The following PCDHA1 variants were observed in gnomAD, a reference collection of about 807,000 sequenced individuals.
PCDHA1 encodes protocadherin alpha 1.
PCDHA1 carries 42 observed loss-of-function variants against 61.3 expected under a neutral mutation model. The observed-to-expected ratio is 0.69, with a 90% CI of 0.54 to 0.89. PCDHA1 has a LOEUF of 0.89. Ranked by LOEUF, PCDHA1 falls within the 40% of genes least tolerant of loss-of-function variation. PCDHA1 has a pLI of 0.00. For synonymous variants in PCDHA1, 610 were observed against 553.8 expected, an observed-to-expected ratio of 1.10 and a Z score of -1.43; for missense variants, 1,256 against 1,235.3, an observed-to-expected ratio of 1.02 and a Z score of -0.25.
intron 1 of PCDHA1, among the ~76,000 whole-genome samples, chr5:140,924,166 T>C (rs1409712075): frequency 6.6e-6 from 1 of 152,232 alleles, no homozygotes; most frequent in African/African-American, 2.4e-5. Flanking sequence ...TCCTAATCTC[T>C]GGCACTGAAG....
At chr5:140,803,354 T>A in intron 1 of PCDHA1, 1 of 1,614,184 alleles carries the variant, frequency 6.2e-7, no homozygotes, top group South Asian at 1.1e-5. Context: ...TGCTATATAC[T>A]GCTCTGCGGT....
rs200338376 is a variant in PCDHA1, at chr5:140,927,680, G to C, written c.2395-51269G>C. On this transcript the variant is annotated intron_variant, in intron 1 of 3. Transcript: ENST00000504120. ...GTTCAAGCCTTGGATCCAGATGAAGGGTCCAATGGGGAAGTCCAGTACTCC... is the reference window on the plus strand; with the variant it reads ...GTTCAAGCCTTGGATCCAGATGAAGCGTCCAATGGGGAAGTCCAGTACTCC... The C allele has an allele frequency of 2.2e-5, 36 of 1,614,022 alleles. No individual in the cohort carries two copies. The Admixed American group carries it at 4.5e-4, about 20-fold the overall frequency.
rs1466426021 is a variant in PCDHA1 at position 140,917,334 on chromosome 5, G to C, written c.2395-61615G>C. On this transcript the variant is annotated intron_variant, in intron 1 of 3. Transcript: ENST00000504120. ...TTGGTGTTCATGTGGCGGGGGAGGG[G>C]GGGGATGGTGTAGGCTTCTGTTCCA... Among the ~76,000 whole-genome samples the C allele has an allele frequency of 4.7e-5, 7 of 147,744 alleles. 2 individuals carry two copies. The highest frequency in any genetic ancestry group is 1.4e-4 in the Admixed American group (2 of 14,792).
intron 1 of PCDHA1, chr5:140,828,666 T>G: frequency 6.2e-7 from 1 of 1,614,162 alleles, no homozygotes; most frequent in Non-Finnish European, 8.5e-7. Context: ...AATAAACAAA[T>G]TGGGCTCTTA....
At chr5:140,839,253 T>C (rs1187384033) in intron 1 of PCDHA1, among the ~76,000 whole-genome samples, 1 of 152,096 alleles carries the variant, frequency 6.6e-6, no homozygotes, top group African/African-American at 2.4e-5. Flanking sequence ...CTTTTATGCT[T>C]ACATGCATGT....
At chr5:140,870,392 G>T in intron 1 of PCDHA1, 1 of 1,614,254 alleles carries the variant, frequency 6.2e-7, no homozygotes, top group Non-Finnish European at 8.5e-7. Context: ...CGGGATGGGG[G>T]TTCGCCTTCT....
At chr5:140,904,110 T>C (rs556511949) in intron 1 of PCDHA1, among the ~76,000 whole-genome samples, 2 of 152,218 alleles carry the variant, frequency 1.3e-5, no homozygotes, top group Non-Finnish European at 2.9e-5. Context: ...TGGTCATTGC[T>C]GAGATTTTGG....
intron 1 of PCDHA1, chr5:140,807,524 C>T: frequency 2.5e-6 from 4 of 1,614,084 alleles, no homozygotes; most frequent in Non-Finnish European, 3.4e-6. Flanking sequence ...CGTAGACAGG[C>T]CGCTGCAGGT....
intron 1 of PCDHA1, chr5:140,824,631 T>TTTTTTTTTTTTTTTTTTTTTTG (rs1768292344): frequency 8.2e-6 from 1 of 121,430 alleles, no homozygotes; most frequent in Non-Finnish European, 1.7e-5. Context: ...TTTTTTTTTT[T>TTTTTTTTTTTTTTTTTTTTTTG]TATTTTCTGT....
At chr5:140,888,147 A>G (rs1182114974) in intron 1 of PCDHA1, among the ~76,000 whole-genome samples, 1 of 152,064 alleles carries the variant, frequency 6.6e-6, no homozygotes, top group African/African-American at 2.4e-5. Flanking sequence ...GCTGTTTTGC[A>G]TGACTGGTAA....
intron 1 of PCDHA1, among the ~76,000 whole-genome samples, chr5:140,917,287 G>C (rs190210744): frequency 6.8e-6 from 1 of 147,568 alleles, no homozygotes; most frequent in Non-Finnish European, 1.5e-5. Context: ...ACGCTTTTCC[G>C]TGTGCAGATA....
chr5:140,802,817 G>C (rs1554122384), intron 1 of PCDHA1: 8 of 1,613,414 alleles, frequency 5.0e-6, no homozygotes, highest in Middle Eastern at 1.7e-4. Context: ...CGCGCGATGC[G>C]GGCGTGCCGC....
chr5:140,858,167 A>G, intron 1 of PCDHA1: 2 of 1,597,724 alleles, frequency 1.3e-6, no homozygotes, highest in Non-Finnish European at 1.7e-6. Flanking sequence ...CGCGGTGTCC[A>G]GCTTGCTGGT....
intron 1 of PCDHA1, chr5:140,929,119 G>T (rs2085835460): frequency 1.2e-6 from 2 of 1,614,192 alleles, no homozygotes; most frequent in Non-Finnish European, 1.7e-6. Context: ...AGCCACCATA[G>T]ATGTCACTAC....
intron 3 of PCDHA1, among the ~76,000 whole-genome samples, chr5:140,999,452 G>A (rs141442204): frequency 6.4e-4 from 97 of 152,234 alleles, no homozygotes; most frequent in African/African-American, 2.1e-3. Flanking sequence ...TTCGTTCAAC[G>A]AATAAGTGGT....
intron 1 of PCDHA1, among the ~76,000 whole-genome samples, chr5:140,948,544 G>A (rs2094271073): frequency 1.3e-5 from 2 of 151,392 alleles, no homozygotes; most frequent in Admixed American, 1.3e-4. Flanking sequence ...TTCATGCTCT[G>A]TCAATTTTGT....
intron 1 of PCDHA1, chr5:140,836,063 C>T (rs2150251706): frequency 6.2e-7 from 1 of 1,613,542 alleles, no homozygotes; most frequent in East Asian, 2.2e-5. Flanking sequence ...ACGAGAACGA[C>T]AACGCGCCGG....
chr5:140,863,884 C>T (rs1388458800), intron 1 of PCDHA1: 1 of 167,076 alleles, frequency 6.0e-6, no homozygotes, highest in Non-Finnish European at 1.3e-5. Flanking sequence ...ACCTGTAATC[C>T]CAGCTACTCA....
At chr5:140,834,489 C>T (rs141682483) in intron 1 of PCDHA1, 4 of 1,614,000 alleles carry the variant, frequency 2.5e-6, no homozygotes, top group Admixed American at 1.7e-5. Context: ...CTACTCGGTC[C>T]CCGAGGAGGC....
Sources: gnomAD v4.1 joint callset for allele counts (sites outside exome capture counted in the v4.1 genomes callset) on GRCh38, gnomAD v4.1.1 for gene constraint, MANE v1.5 for transcripts, NCBI Gene and HGNC (gene_info 2026-07-23, HGNC 2026-07-21) for gene names.